The following ROBO1 variants were observed in gnomAD, a reference collection of about 807,000 sequenced individuals.
ROBO1 encodes roundabout guidance receptor 1.
ROBO1 carries 149 observed loss-of-function variants against 195.9 expected under a neutral mutation model. That is an observed-to-expected ratio of 0.76 (90% CI 0.67 to 0.87). The LOEUF (loss-of-function observed/expected upper bound fraction) is 0.87, where lower values mean the gene tolerates loss of function less well. ROBO1 is among the 40% of genes least tolerant of loss of function. The pLI, the probability that ROBO1 is intolerant of heterozygous loss-of-function variation, is 0.00. For missense variants in ROBO1, 1,933 were observed against 2,068.3 expected (o/e 0.93, Z 1.27); for synonymous variants, 816 against 733.2 (o/e 1.11, Z -1.82).
At chr3:79,718,794 A>G (rs891852058) in intron 1 of ROBO1, among the ~76,000 whole-genome samples, 1 of 152,064 alleles carries the variant, frequency 6.6e-6, no homozygotes, top group African/African-American at 2.4e-5. Context: ...ACAAATAATA[A>G]TGTTGAATTT....
At chr3:79,197,121 T>C (rs1037318784) in intron 2 of ROBO1, among the ~76,000 whole-genome samples, 1 of 151,866 alleles carries the variant, frequency 6.6e-6, no homozygotes, top group Non-Finnish European at 1.5e-5. Flanking sequence ...ACACATGCCA[T>C]GTTGGTTTGC....
At chr3:79,646,081 G>T (rs956965457) in intron 1 of ROBO1, among the ~76,000 whole-genome samples, 4 of 152,000 alleles carry the variant, frequency 2.6e-5, no homozygotes, top group African/African-American at 9.7e-5. Context: ...TACACGAATG[G>T]CATTATGTCA....
intron 8 of ROBO1, among the ~76,000 whole-genome samples, chr3:78,689,630 C>T (rs1024056386): frequency 3.3e-5 from 5 of 151,926 alleles, no homozygotes; most frequent in South Asian, 2.1e-4. Flanking sequence ...CAATTCATTT[C>T]GTATCAGCTC....
intron 2 of ROBO1, among the ~76,000 whole-genome samples, chr3:79,494,227 C>T (rs1653746085): frequency 6.6e-6 from 1 of 151,924 alleles, no homozygotes; most frequent in Admixed American, 6.6e-5. Flanking sequence ...GAATCCACAT[C>T]CAAAGGCAAA....
At chr3:79,657,388 C>G (rs991875170) in intron 1 of ROBO1, among the ~76,000 whole-genome samples, 1 of 152,006 alleles carries the variant, frequency 6.6e-6, no homozygotes, top group African/African-American at 2.4e-5. Flanking sequence ...GAAGGCCTAT[C>G]CTCTTGCTTC....
chr3:78,651,792 G>C lies in ROBO1; in HGVS notation c.2752C>G (p.Leu918Val). The C allele has an allele frequency of 6.2e-7, 1 of 1,613,636 alleles. No homozygotes were observed. Among genetic ancestry groups the C allele is most frequent in the Non-Finnish European group, 8.5e-7 (1 of 1,179,692 alleles). The change falls in exon 19 of 31, where the codon CTT becomes GTT. Residue 918 changes from leucine to valine, a missense_variant. Physicochemically the swap from Leu to Val is conservative, Grantham distance 32. This residue lies in a region of ROBO1 where 1,737 missense variants were observed against 1,882.5 expected (regional missense o/e 0.92). Transcript: ENST00000464233. ...TTTCTCTTCTTGCGGTGTCGATAAA[G>C]CCAGATGCTGAAGACCATGAGGATG... ...WIILMVFSIW[L>V]YRHRKKRNGL...
chr3:78,859,939 C>G (rs981882741), intron 4 of ROBO1, among the ~76,000 whole-genome samples: 3 of 151,988 alleles, frequency 2.0e-5, no homozygotes, highest in African/African-American at 7.2e-5. Flanking sequence ...ATTAGCCGGG[C>G]GTGGTGGCGG....
chr3:79,658,574 T>C (rs1946238142), intron 1 of ROBO1, among the ~76,000 whole-genome samples: 1 of 152,150 alleles, frequency 6.6e-6, no homozygotes, highest in South Asian at 2.1e-4. Flanking sequence ...TATTTATGTA[T>C]TTATTTTACT....
intron 2 of ROBO1, among the ~76,000 whole-genome samples, chr3:79,364,892 A>G (rs2035908853): frequency 6.6e-6 from 1 of 152,204 alleles, no homozygotes; most frequent in Admixed American, 6.5e-5. Flanking sequence ...TCACTGAGGT[A>G]TCAACAGAAC....
chr3:78,715,462 A>T (rs971407904), intron 7 of ROBO1, among the ~76,000 whole-genome samples: 4 of 152,086 alleles, frequency 2.6e-5, no homozygotes, highest in African/African-American at 9.7e-5. Flanking sequence ...CAACCACAAA[A>T]ATCGTGTCCC....
intron 1 of ROBO1, among the ~76,000 whole-genome samples, chr3:79,658,217 G>A (rs892246225): frequency 1.3e-5 from 2 of 152,040 alleles, no homozygotes; most frequent in Non-Finnish European, 2.9e-5. Context: ...GGACTTGATG[G>A]AGTGCCCACC....
chr3:79,477,201 G>A (rs1938588196), intron 2 of ROBO1, among the ~76,000 whole-genome samples: 1 of 152,074 alleles, frequency 6.6e-6, no homozygotes, highest in Non-Finnish European at 1.5e-5. Context: ...AAGGTAAGTG[G>A]TAATATAGGC....
chr3:78,964,332 G>A (rs768188694), intron 3 of ROBO1, among the ~76,000 whole-genome samples: 11 of 152,036 alleles, frequency 7.2e-5, no homozygotes, highest in Non-Finnish European at 1.5e-4. Flanking sequence ...AATTCAACCC[G>A]TAACCATAGG....
intron 4 of ROBO1, among the ~76,000 whole-genome samples, chr3:78,929,660 G>A (rs556156244): frequency 1.1e-3 from 162 of 151,528 alleles, no homozygotes; most frequent in African/African-American, 3.8e-3. Context: ...GCACCACCAC[G>A]CCCGGCTAAT....
chr3:78,955,479 T>G (rs968155529), intron 3 of ROBO1, among the ~76,000 whole-genome samples: 1 of 152,116 alleles, frequency 6.6e-6, no homozygotes. Flanking sequence ...AGTATGAATA[T>G]AATAAAATTC....
At chr3:79,583,707 T>G (rs1432055699) in intron 2 of ROBO1, among the ~76,000 whole-genome samples, 1 of 151,968 alleles carries the variant, frequency 6.6e-6, no homozygotes. Context: ...TTTAAAGATA[T>G]CCACATTAGC....
At chr3:79,384,983 A>G (rs933767293) in intron 2 of ROBO1, among the ~76,000 whole-genome samples, 1 of 152,070 alleles carries the variant, frequency 6.6e-6, no homozygotes, top group Admixed American at 6.6e-5. Flanking sequence ...AATTTCACTG[A>G]TAGAATATTT....
At chr3:79,114,591 T>C (rs1019754653) in intron 3 of ROBO1, among the ~76,000 whole-genome samples, 3 of 152,174 alleles carry the variant, frequency 2.0e-5, no homozygotes, top group Non-Finnish European at 2.9e-5. Context: ...TATGCATTTA[T>C]AAGGCATCGA....
At chr3:79,689,403 G>A (rs1947234210) in intron 1 of ROBO1, among the ~76,000 whole-genome samples, 1 of 151,602 alleles carries the variant, frequency 6.6e-6, no homozygotes, top group Admixed American at 6.6e-5. Flanking sequence ...TATAATATTG[G>A]GTATATCTTT....
Sources: allele counts gnomAD v4.1 joint callset (sites outside exome capture counted in the v4.1 genomes callset), GRCh38; gene constraint gnomAD v4.1.1; regional missense constraint gnomAD v4.1.1; transcripts MANE v1.5; gene names NCBI Gene and HGNC (gene_info 2026-07-23, HGNC 2026-07-21).